ANO3: variants seen among roughly 807,000 people sequenced by gnomAD.
The protein encoded by ANO3 is anoctamin 3.
Under a neutral mutation model 144.8 loss-of-function variants are expected in ANO3, and 99 were observed. The observed-to-expected ratio is 0.68, with a 90% CI of 0.58 to 0.81. The LOEUF (loss-of-function observed/expected upper bound fraction) is 0.81. Among genes scored for constraint, ANO3 ranks in the 30% least tolerant of loss-of-function variants. The pLI, the probability that ANO3 is intolerant of heterozygous loss-of-function variation, is 0.00. For synonymous variants in ANO3, 414 were observed against 392.6 expected, an observed-to-expected ratio of 1.05 and a Z score of -0.64; for missense variants, 905 against 1,202.2, an observed-to-expected ratio of 0.75 and a Z score of 3.66.
rs1262119961 is a variant in ANO3 at position 26,627,854 on chromosome 11, T to TGTGTGTGTGC, written c.1873+3357_1873+3358insTGTGTGTGCG. Among the ~76,000 whole-genome samples the TGTGTGTGTGC allele has an allele frequency of 3.4e-4, 48 of 139,682 alleles. No homozygotes were observed. The East Asian group carries it at 6.3e-3, about 18-fold the overall frequency. The allele number at this position is 139,682 out of a possible 152,430, so 91.6% of individuals were successfully genotyped here. A position where few individuals can be genotyped will look rare whatever the true frequency, so the allele number is the denominator to read the frequency against. On this transcript the variant is annotated intron_variant, in intron 18 of 26. Coordinates refer to ENST00000256737, the MANE Select transcript of ANO3 (RefSeq NM_031418.4). ...GTGTGTGTGTGTGTGTGTGTGTGTG[T>TGTGTGTGTGC]GCGCCTGACATTATGTTCTGTTTAA...
intron 1 of ANO3, among the ~76,000 whole-genome samples, chr11:26,240,675 T>A (rs530405136): frequency 7.8e-4 from 119 of 152,312 alleles, no homozygotes; most frequent in Middle Eastern, 3.4e-3. Context: ...AAAAAAAATT[T>A]TGACTACCTG....
At chr11:26,454,350 A>G (rs1434780018) in intron 3 of ANO3, among the ~76,000 whole-genome samples, 1 of 151,970 alleles carries the variant, frequency 6.6e-6, no homozygotes, top group Non-Finnish European at 1.5e-5. Flanking sequence ...AAAGAAGAAA[A>G]GAGAGAAGAA....
chr11:26,229,622 G>A (rs539241034), intron 1 of ANO3, among the ~76,000 whole-genome samples: 1 of 152,214 alleles, frequency 6.6e-6, no homozygotes, highest in Admixed American at 6.5e-5. Context: ...ATTTTTATAT[G>A]CTAATCAACT....
intron 1 of ANO3, chr11:26,287,981 T>A (rs1305174616): frequency 2.6e-5 from 4 of 152,230 alleles, no homozygotes; most frequent in African/African-American, 7.2e-5. Flanking sequence ...CTCATGAGAA[T>A]CTTCTGTCAA....
At chr11:26,532,274 A>G (rs1565085297) in intron 8 of ANO3, among the ~76,000 whole-genome samples, 1 of 152,086 alleles carries the variant, frequency 6.6e-6, no homozygotes, top group African/African-American at 2.4e-5. Flanking sequence ...GTAGTGGCAG[A>G]AGGAATAAAA....
intron 18 of ANO3, 49 bp downstream of exon 18, chr11:26,624,547 G>A (rs1362701711): frequency 2.3e-6 from 3 of 1,309,488 alleles, no homozygotes; most frequent in Non-Finnish European, 3.3e-6. Context: ...ATAACATATG[G>A]GCATTTCAGT....
chr11:26,641,734 TG>T (rs1284451825), intron 21 of ANO3, among the ~76,000 whole-genome samples, 161 bp from the exon 22 acceptor site: 4 of 152,160 alleles, frequency 2.6e-5, no homozygotes, highest in South Asian at 4.1e-4. Context: ...GCTTTCAAAA[TG>T]TTTTTTTAAC....
intron 1 of ANO3, among the ~76,000 whole-genome samples, chr11:26,425,613 G>A (rs905729800): frequency 6.6e-6 from 1 of 151,918 alleles, no homozygotes; most frequent in Non-Finnish European, 1.5e-5. Flanking sequence ...TGTCTGAAAA[G>A]TGAAATTAAG....
In ANO3 at chr11:26,236,780, T is replaced by C. The variant is rs1173943354; in HGVS notation, c.154+47450T>C. Among the ~76,000 whole-genome samples the C allele has an allele frequency of 2.2e-5, 3 of 133,814 alleles. No homozygotes were observed. The East Asian group carries it at 6.7e-4, about 30-fold the overall frequency. The allele number at this position is 133,814 out of a possible 152,430, so 87.8% of individuals were successfully genotyped here. A position where few individuals can be genotyped will look rare whatever the true frequency, so the allele number is the denominator to read the frequency against. Reference sequence around the variant, plus strand: ...TTGCAGTGAGCCCAGATCGCGCCACTGCACTCCAGCCTGGGCGACAGAGTG... The same window carrying C: ...TTGCAGTGAGCCCAGATCGCGCCACCGCACTCCAGCCTGGGCGACAGAGTG... On this transcript the variant is annotated intron_variant, in intron 1 of 27. Transcript: ENST00000672621.
At chr11:26,583,553 A>G (rs1851191356) in intron 14 of ANO3, among the ~76,000 whole-genome samples, 1 of 152,168 alleles carries the variant, frequency 6.6e-6, no homozygotes, top group African/African-American at 2.4e-5. Flanking sequence ...CAATTAGTCT[A>G]CTTTGTGCTC....
At chr11:26,261,736 G>A (rs1479311873) in intron 1 of ANO3, among the ~76,000 whole-genome samples, 1 of 152,182 alleles carries the variant, frequency 6.6e-6, no homozygotes, top group Non-Finnish European at 1.5e-5. Context: ...TTGCCAATTT[G>A]AAGAACAAAG....
At position 26,323,339 on chromosome 11, in the gene ANO3, C is replaced by G. The variant is rs1179096567; in HGVS notation, c.-3+13620C>G. Among the ~76,000 whole-genome samples, 3 of 152,182 alleles carry G rather than the reference C, an allele frequency of 2.0e-5. No individual in the cohort carries two copies. The East Asian group carries it at 5.8e-4, about 29-fold the overall frequency. ...ATTTAAGGCTGAATATCTGCTTTGG[C>G]AGTTTTGTTTTACTGTGTATGCATT... On this transcript the variant is annotated intron_variant, in intron 1 of 26. Coordinates refer to the ANO3 transcript ENST00000525139.
intron 1 of ANO3, among the ~76,000 whole-genome samples, chr11:26,426,893 A>G (rs1857936396): frequency 6.6e-6 from 1 of 152,206 alleles, no homozygotes; most frequent in African/African-American, 2.4e-5. Context: ...GATTATTGTG[A>G]TTTTCGTTCT....
chr11:26,544,251 CATAT>C (rs1554967685), intron 11 of ANO3, among the ~76,000 whole-genome samples: 38 of 38,448 alleles, frequency 9.9e-4, no homozygotes, highest in African/African-American at 1.5e-3. Context: ...TTTCATTATA[CATAT>C]ATATATATAT....
intron 1 of ANO3, among the ~76,000 whole-genome samples, chr11:26,423,283 T>C (rs1857807749): frequency 1.3e-5 from 2 of 149,136 alleles, no homozygotes; most frequent in African/African-American, 4.9e-5. Flanking sequence ...TGGGTGGTTT[T>C]ATAATACCCT....
chr11:26,436,853 G>A (rs539301346), intron 1 of ANO3, among the ~76,000 whole-genome samples: 2 of 152,296 alleles, frequency 1.3e-5, no homozygotes, highest in East Asian at 1.9e-4. Context: ...ACTGGCAGGG[G>A]TGGTTATAGA....
intron 1 of ANO3, among the ~76,000 whole-genome samples, chr11:26,357,663 G>T (rs1855817951): frequency 6.6e-6 from 1 of 151,314 alleles, no homozygotes; most frequent in African/African-American, 2.4e-5. Flanking sequence ...CTATTAACAG[G>T]GTATTTTATA....
At chr11:26,616,000 AT>A (rs1468164844) in intron 17 of ANO3, among the ~76,000 whole-genome samples, 2 of 152,222 alleles carry the variant, frequency 1.3e-5, no homozygotes, top group Non-Finnish European at 2.9e-5. Context: ...ATGTCTAGTA[AT>A]ATAAACAAGT....
intron 14 of ANO3, chr11:26,560,536 G>A (rs1412684381): frequency 1.3e-5 from 2 of 152,764 alleles, no homozygotes; most frequent in Non-Finnish European, 2.9e-5. Flanking sequence ...CTAGAATACA[G>A]GTCTGTCATT....
Sources: allele counts gnomAD v4.1 joint callset (sites outside exome capture counted in the v4.1 genomes callset), GRCh38; gene constraint gnomAD v4.1.1; transcripts MANE v1.5; gene names NCBI Gene and HGNC (gene_info 2026-07-23, HGNC 2026-07-21).